The following CEP44 variants were observed in gnomAD, a reference collection of about 807,000 sequenced individuals.
CEP44 encodes the protein centrosomal protein of 44 kDa.
A neutral mutation model predicts 46.7 loss-of-function variants in CEP44; 45 were observed. The ratio of observed to expected loss-of-function variants is 0.96; its 90% CI spans 0.76 to 1.24. The LOEUF (loss-of-function observed/expected upper bound fraction) is 1.24. Among genes scored for constraint, CEP44 ranks in the 50% most tolerant of loss-of-function variants. The probability of loss-of-function intolerance (pLI) is 0.00; values close to 1 mark genes in which losing one functional copy is unlikely to be tolerated. For synonymous variants in CEP44, 142 were observed against 146.0 expected (o/e 0.97, Z 0.20); for missense variants, 475 against 459.7 (o/e 1.03, Z -0.30).
At chr4:174,324,547 A>G (rs923677640), downstream of CEP44, among the ~76,000 whole-genome samples, 1 of 152,194 alleles carries the variant, frequency 6.6e-6, no homozygotes, top group Admixed American at 6.5e-5. Context: ...ATCCATACCA[A>G]CACTTGATTT....
In CEP44 at chr4:174,309,729, A is replaced by T; in HGVS notation, c.679-121A>T. On this transcript the variant is annotated intron_variant, in intron 7 of 11. Transcript: ENST00000503780. This position sits in a 1 kb window ranked among gnomAD's most constrained non-coding sequence, Gnocchi z 5.3. ...GTCTCCATCCAGAGATAGCTCTCTT[A>T]ACTCTCAAGCAGGACGGTCTCTCCT... 1.5e-6 allele frequency: 1 copy of T among 668,496 alleles called. No individual in the cohort carries two copies. Among genetic ancestry groups the T allele is most frequent in the Non-Finnish European group, 2.5e-6 (1 of 401,826 alleles). The allele number at this position is 668,496 out of a possible 1,614,324, so 41.4% of individuals were successfully genotyped here.
chr4:174,316,531 A>C lies in CEP44; in HGVS notation c.1088A>C (p.Glu363Ala). 1 of 1,587,606 alleles carries C rather than the reference A, an allele frequency of 6.3e-7. No homozygotes were observed. The highest frequency in any genetic ancestry group is 1.1e-5 in the South Asian group (1 of 86,964). ...NYCGLNEISE[E>A]TTIQKMERMK... is the part of the protein sequence containing the mutation. The stretch of plus-strand genomic sequence containing the variant: ...AATTTGTTGCTTTTTAAATTAAAGG[A>C]AACAACAATCCAGAAAATGGAAAGG... Residue 363 changes from glutamate (E) to alanine (A), a missense_variant and splice_region_variant, in exon 11 of 12, where the codon GAA (glutamate) becomes GCA (alanine). By Grantham distance (107) the Glu-to-Ala change is moderately radical (BLOSUM62 -1). Coordinates refer to ENST00000503780, the MANE Select transcript of CEP44 (RefSeq NM_001040157.3).
chr4:174,326,980 A>T lies in CEP44; in HGVS notation c.1087-4502A>T, dbSNP rs954713572. Among the ~76,000 whole-genome samples, 4 of 151,912 alleles carry T rather than the reference A, an allele frequency of 2.6e-5. No individual in the cohort carries two copies. Among genetic ancestry groups the T allele is most frequent in the Non-Finnish European group, 5.9e-5 (4 of 67,910 alleles). ...TCAGCAATTAGAAGAGCTATGTAGA[A>T]AAACCAAAATAAACTACAGACAGTT... On this transcript the variant is annotated intron_variant, in intron 8 of 8. Coordinates refer to the CEP44 transcript ENST00000426172. This position sits in a 1 kb window ranked among gnomAD's most constrained non-coding sequence, Gnocchi z 4.8.
In CEP44 at chr4:174,331,433, A is replaced by C. The variant is rs991193206; in HGVS notation, c.1087-49A>C. 3.9e-6 allele frequency: 6 copies of C among 1,540,784 alleles called. No homozygotes were observed. The highest frequency in any genetic ancestry group is 4.4e-6 in the Non-Finnish European group (5 of 1,140,352). ...CTAATTCCTATCTACCCATTCTGCC[A>C]ATGCATTTAGATCATATTTTAATGT... On this transcript the variant is annotated intron_variant, in intron 8 of 8. Coordinates refer to the CEP44 transcript ENST00000426172. This position sits in a 1 kb window ranked among gnomAD's most constrained non-coding sequence, Gnocchi z 4.5.
At chr4:174,285,847 A>G (rs1006268455) in intron 1 of CEP44, among the ~76,000 whole-genome samples, 2 of 152,212 alleles carry the variant, frequency 1.3e-5, no homozygotes, top group Admixed American at 6.5e-5. Context: ...TTTTCAGGAA[A>G]GTAAAGGCTT....
At chr4:174,322,268 A>G (rs1365950568), downstream of CEP44, among the ~76,000 whole-genome samples, 2 of 152,042 alleles carry the variant, frequency 1.3e-5, no homozygotes, top group South Asian at 2.1e-4. Flanking sequence ...CACTTTTTAT[A>G]TACTATGCTT....
Position 174,314,194 on chromosome 4 carries a change from CT to C in CEP44, c.962-1971del, listed in dbSNP as rs2126654129. On this transcript the variant is annotated intron_variant, in intron 9 of 11. Coordinates refer to ENST00000503780, the MANE Select transcript of CEP44 (RefSeq NM_001040157.3). This position sits in a 1 kb window ranked among gnomAD's most constrained non-coding sequence, Gnocchi z 4.1. The stretch of plus-strand genomic sequence containing the variant: ...TACAGAGACTTCTTAGCAGTCACTA[CT>C]GAAGTACATAACAACTGGTGTCAGG... 6.6e-6 allele frequency among the ~76,000 whole-genome samples: 1 copy of C among 152,252 alleles called. No homozygotes were observed. The highest frequency in any genetic ancestry group is 6.5e-5 in the Admixed American group (1 of 15,286).
At position 174,331,398 on chromosome 4, in the gene CEP44, T is replaced by G. The variant is rs1294649404; in HGVS notation, c.1087-84T>G. ...AGAGGAGGAAATATTAATAGCACTC[T>G]GACACTGCTCTAATTCCTATCTACC... On this transcript the variant is annotated intron_variant, in intron 8 of 8. Transcript: ENST00000426172. This position sits in a 1 kb window ranked among gnomAD's most constrained non-coding sequence, Gnocchi z 4.5. 76 of 1,434,954 alleles carry G rather than the reference T, an allele frequency of 5.3e-5. No homozygotes were observed. Among genetic ancestry groups the G allele is most frequent in the Non-Finnish European group, 6.9e-5 (74 of 1,065,014 alleles). 88.9% of individuals were successfully genotyped at this position (1,434,954 alleles called of 1,614,324 possible). A position where few individuals can be genotyped will look rare whatever the true frequency, so the allele number is the denominator to read the frequency against.
downstream of CEP44, among the ~76,000 whole-genome samples, chr4:174,321,910 CAG>C (rs1432582296): frequency 2.0e-5 from 3 of 152,204 alleles, no homozygotes; most frequent in East Asian, 5.8e-4. Flanking sequence ...GAGAGGAAAA[CAG>C]AAACCACTAG....
At chr4:174,313,770 A>C (rs1741359512) in intron 9 of CEP44, among the ~76,000 whole-genome samples, 1 of 152,182 alleles carries the variant, frequency 6.6e-6, no homozygotes, top group Non-Finnish European at 1.5e-5. Context: ...TGATAGATAC[A>C]AAAAGGGTGA....
intron 8 of CEP44, among the ~76,000 whole-genome samples, chr4:174,330,562 T>G (rs577119096): frequency 5.9e-5 from 9 of 152,276 alleles, no homozygotes; most frequent in South Asian, 4.1e-4. Flanking sequence ...ATTTTCCATA[T>G]CATTAAATAT....
chr4:174,304,570 C>G (rs979352962), intron 6 of CEP44, among the ~76,000 whole-genome samples: 3 of 152,178 alleles, frequency 2.0e-5, no homozygotes, highest in East Asian at 3.8e-4. Flanking sequence ...AAATTAAATA[C>G]GTGTTCTCTT....
At chr4:174,313,381 G>GA (rs536148825) in intron 9 of CEP44, among the ~76,000 whole-genome samples, 12,671 of 131,180 alleles carry the variant, frequency 0.097, 664 homozygotes, top group South Asian at 0.23. Flanking sequence ...TCCCTCAGAG[G>GA]AAAAAAAAAA....
At position 174,287,068 on chromosome 4, in the gene CEP44, A is replaced by G. The variant is rs1218889767; in HGVS notation, c.-148+3125A>G. ...TTTGGGACCGATGACAGTGCAAAAC[A>G]TCTTGACTGACAATGGTGGTGGCTT... is the stretch of plus-strand genomic sequence containing the variant. On this transcript the variant is annotated intron_variant, in intron 1 of 11. Coordinates refer to ENST00000503780, the MANE Select transcript of CEP44 (RefSeq NM_001040157.3). The surrounding 1 kb of genome is among the most constrained non-coding windows in gnomAD (Gnocchi z 5.1). Among the ~76,000 whole-genome samples, 6 of 152,218 alleles carry G rather than the reference A, an allele frequency of 3.9e-5. No individual in the cohort carries two copies. The highest frequency in any genetic ancestry group is 7.3e-5 in the Non-Finnish European group (5 of 68,040).
chr4:174,330,415 G>T (rs1731256371), intron 8 of CEP44, among the ~76,000 whole-genome samples: 1 of 151,584 alleles, frequency 6.6e-6, no homozygotes, highest in Non-Finnish European at 1.5e-5. Context: ...CTTGAACCTG[G>T]AAGGTGGAGG....
rs533501994 is a variant in CEP44 at position 174,311,751 on chromosome 4, G to A, written c.961+893G>A. On this transcript the variant is annotated intron_variant, in intron 9 of 11. Transcript: ENST00000503780. This position sits in a 1 kb window ranked among gnomAD's most constrained non-coding sequence, Gnocchi z 4.4. The stretch of plus-strand genomic sequence containing the variant: ...GCAAAATTAAGTAACTACAGCAAAG[G>A]TCACACAGTTATTGAATTGTAGATC... Among the ~76,000 whole-genome samples the A allele has an allele frequency of 6.6e-5, 10 of 152,142 alleles. No individual in the cohort carries two copies. Among genetic ancestry groups the A allele is most frequent in the Non-Finnish European group, 1.2e-4 (8 of 68,014 alleles).
intron 8 of CEP44, among the ~76,000 whole-genome samples, chr4:174,330,401 A>G (rs1731255674): frequency 6.6e-6 from 1 of 151,858 alleles, no homozygotes. Context: ...AGGCAGGAGG[A>G]TCACTTGAAC....
downstream of CEP44, among the ~76,000 whole-genome samples, chr4:174,321,664 G>C (rs961280715): frequency 6.6e-6 from 1 of 151,892 alleles, no homozygotes; most frequent in Non-Finnish European, 1.5e-5. Context: ...TATGTCATAG[G>C]GTGACTTTTC....
intron 9 of CEP44, among the ~76,000 whole-genome samples, chr4:174,313,391 AAAAAG>A (rs1482987678): frequency 6.9e-6 from 1 of 145,626 alleles, no homozygotes; most frequent in Non-Finnish European, 1.5e-5. Context: ...GAAAAAAAAA[AAAAAG>A]GTGTGCTACC....
Sources: gnomAD v4.1 joint callset for allele counts (sites outside exome capture counted in the v4.1 genomes callset) on GRCh38, gnomAD v4.1.1 for gene constraint, Gnocchi (gnomAD v3.1) non-coding constraint, MANE v1.5 for transcripts, NCBI Gene and HGNC (gene_info 2026-07-23, HGNC 2026-07-21) for gene names.